SHISA9: variants seen among roughly 807,000 people sequenced by gnomAD.
SHISA9 encodes the protein shisa family member 9, also known as protein shisa-9.
A neutral mutation model predicts 38.0 loss-of-function variants in SHISA9; 13 were observed. The observed-to-expected ratio is 0.34, with a 90% CI of 0.22 to 0.54. The LOEUF is 0.54. Among genes scored for constraint, SHISA9 ranks in the 20% least tolerant of loss-of-function variants. SHISA9 has a pLI of 0.91. For missense variants in SHISA9, 538 were observed against 575.8 expected (o/e 0.93, Z 0.67); for synonymous variants, 275 against 242.0 (o/e 1.14, Z -1.27).
At chr16:13,453,940 C>G in the SHISA9 span, among the ~76,000 whole-genome samples, 1 of 152,168 alleles carries the variant, frequency 6.6e-6, no homozygotes, top group African/African-American at 2.4e-5. Context: ...ATACCCTCAT[C>G]TCATACATCA....
chr16:13,215,735 G>C (rs1161494415), intron 4 of SHISA9, among the ~76,000 whole-genome samples: 1 of 152,154 alleles, frequency 6.6e-6, no homozygotes. Flanking sequence ...CGGGGGAGAG[G>C]AAAAGTGGTC....
chr16:12,940,439 T>A (rs951880235), intron 2 of SHISA9, among the ~76,000 whole-genome samples: 1 of 141,752 alleles, frequency 7.1e-6, no homozygotes, highest in Non-Finnish European at 1.5e-5. Context: ...TGACCCCCCA[T>A]CTCTCTCTTC....
the SHISA9 span, among the ~76,000 whole-genome samples, chr16:13,462,369 T>C: frequency 6.6e-6 from 1 of 152,054 alleles, no homozygotes; most frequent in Non-Finnish European, 1.5e-5. Context: ...GTAAAAAAAG[T>C]TCAGGAAACT....
At chr16:12,963,286 T>A (rs1229242347) in intron 2 of SHISA9, among the ~76,000 whole-genome samples, 1 of 151,798 alleles carries the variant, frequency 6.6e-6, no homozygotes, top group Non-Finnish European at 1.5e-5. Flanking sequence ...GTATTGGGGG[T>A]GGAAGGAGAT....
chr16:13,229,484 A>G (rs204034), intron 4 of SHISA9, among the ~76,000 whole-genome samples: 124,467 of 152,120 alleles, frequency 0.82, 51,033 homozygotes, highest in East Asian at 0.92. Context: ...TGTGAAAACG[A>G]CAGAGGCTAT....
the SHISA9 span, among the ~76,000 whole-genome samples, chr16:13,420,245 C>CAAGAAAAAAA: frequency 2.0e-5 from 1 of 50,392 alleles, no homozygotes. Context: ...GAATCTGTTT[C>CAAGAAAAAAA]AAAAAAAAAA....
chr16:13,493,008 G>T, the SHISA9 span, among the ~76,000 whole-genome samples: 27 of 152,292 alleles, frequency 1.8e-4, no homozygotes, highest in East Asian at 3.9e-3. Context: ...AGCTCCTGCT[G>T]CAAGAGGATA....
At chr16:13,307,769 A>G in the SHISA9 span, among the ~76,000 whole-genome samples, 7 of 152,366 alleles carry the variant, frequency 4.6e-5, no homozygotes, top group Admixed American at 4.6e-4. Flanking sequence ...AACAAAAAGT[A>G]GGTTTTGCTC....
chr16:12,907,627 G>A (rs928383590), intron 1 of SHISA9, among the ~76,000 whole-genome samples: 2 of 152,122 alleles, frequency 1.3e-5, no homozygotes, highest in African/African-American at 4.8e-5. Flanking sequence ...GTCTTTCAGA[G>A]CTTGGTTTTG....
At chr16:13,377,765 T>A in the SHISA9 span, among the ~76,000 whole-genome samples, 1 of 152,208 alleles carries the variant, frequency 6.6e-6, no homozygotes, top group Admixed American at 6.5e-5. Flanking sequence ...CAGTGGCTCA[T>A]GCCTGTAATC....
At chr16:13,491,091 C>T in the SHISA9 span, among the ~76,000 whole-genome samples, 3 of 152,146 alleles carry the variant, frequency 2.0e-5, no homozygotes, top group Admixed American at 2.0e-4. Flanking sequence ...GAAAAATAGG[C>T]TCTATTGTCT....
Position 13,073,184 on chromosome 16 carries a change from T to G in SHISA9, c.692-130210T>G, listed in dbSNP as rs1337995261. 2.0e-5 allele frequency among the ~76,000 whole-genome samples: 3 copies of G among 151,570 alleles called. No individual in the cohort carries two copies. The East Asian group carries it at 5.8e-4, about 29-fold the overall frequency. On this transcript the variant is annotated intron_variant, in intron 2 of 4. Coordinates refer to ENST00000558583, the MANE Select transcript of SHISA9 (RefSeq NM_001145204.3). ...AGGTAGCAAAATGCACAGCCAGGTC[T>G]GGCTAAGCCCAACTCTCTCCTATCT...
At chr16:13,301,671 A>G in the SHISA9 span, among the ~76,000 whole-genome samples, 14 of 152,330 alleles carry the variant, frequency 9.2e-5, no homozygotes, top group East Asian at 2.7e-3. Context: ...TGACTTAAAT[A>G]AAATTATTAA....
At chr16:13,461,270 G>A in the SHISA9 span, among the ~76,000 whole-genome samples, 1 of 152,282 alleles carries the variant, frequency 6.6e-6, no homozygotes, top group Non-Finnish European at 1.5e-5. Context: ...TTCAGGTTTA[G>A]TGGTTCTCTA....
At chr16:13,404,062 C>G in the SHISA9 span, among the ~76,000 whole-genome samples, 3 of 152,220 alleles carry the variant, frequency 2.0e-5, no homozygotes, top group Non-Finnish European at 4.4e-5. Flanking sequence ...AACTCAGGCT[C>G]TGCTTACCCT....
chr16:13,500,205 C>T, the SHISA9 span, among the ~76,000 whole-genome samples: 1 of 152,192 alleles, frequency 6.6e-6, no homozygotes, highest in Non-Finnish European at 1.5e-5. Context: ...GCTCTTCCCC[C>T]TTTGCTGCTC....
chr16:13,372,187 C>T, the SHISA9 span, among the ~76,000 whole-genome samples: 1 of 152,288 alleles, frequency 6.6e-6, no homozygotes, highest in East Asian at 1.9e-4. Flanking sequence ...TTGCATCCCC[C>T]AATCAGACTT....
the SHISA9 span, among the ~76,000 whole-genome samples, chr16:13,307,042 T>C: frequency 6.6e-6 from 1 of 152,206 alleles, no homozygotes; most frequent in Admixed American, 6.5e-5. Context: ...TTCTATGGTA[T>C]TAAGAAATAA....
intron 2 of SHISA9, among the ~76,000 whole-genome samples, chr16:13,034,298 C>A (rs1479382779): frequency 1.3e-5 from 2 of 152,068 alleles, no homozygotes; most frequent in Non-Finnish European, 2.9e-5. Flanking sequence ...GGGTGATGAG[C>A]ACCATTAGCA....
Sources: allele counts gnomAD v4.1 joint callset (sites outside exome capture counted in the v4.1 genomes callset), GRCh38; gene constraint gnomAD v4.1.1; transcripts MANE v1.5; gene names NCBI Gene and HGNC (gene_info 2026-07-23, HGNC 2026-07-21).